Variants in NDUFAF6 observed in about 807,000 individuals in gnomAD.
NDUFAF6 encodes NADH:ubiquinone oxidoreductase complex assembly factor 6, also known as NADH dehydrogenase (ubiquinone) complex I, assembly factor 6.
In NDUFAF6, 45 loss-of-function variants were observed where a neutral mutation model predicts 40.8. The observed-to-expected ratio is 1.10, with a 90% CI of 0.87 to 1.42. The LOEUF is 1.42. Among genes scored for constraint, NDUFAF6 ranks in the 40% most tolerant of loss-of-function variants. The probability of loss-of-function intolerance (pLI) is 0.00; values close to 1 mark genes in which losing one functional copy is unlikely to be tolerated. For synonymous variants in NDUFAF6, 185 were observed against 155.9 expected (o/e 1.19, Z -1.39); for missense variants, 435 against 418.5 (o/e 1.04, Z -0.34).
At chr8:94,936,847 A>G (rs2131347324) in intron 1 of NDUFAF6, among the ~76,000 whole-genome samples, 1 of 152,308 alleles carries the variant, frequency 6.6e-6, no homozygotes, top group South Asian at 2.1e-4. Context: ...GTGCAGAGAC[A>G]GGCTGCATCT....
chr8:95,040,321 C>T (rs924431729), intron 3 of NDUFAF6, among the ~76,000 whole-genome samples: 3 of 152,198 alleles, frequency 2.0e-5, no homozygotes, highest in African/African-American at 7.2e-5. Context: ...ATTCGTCTAC[C>T]TGTCCTTTAT....
chr8:94,942,528 C>T (rs539144553), intron 1 of NDUFAF6, among the ~76,000 whole-genome samples: 3 of 152,298 alleles, frequency 2.0e-5, no homozygotes, highest in African/African-American at 7.2e-5. Context: ...TTGTTAAAGG[C>T]AATGGACTTA....
At chr8:94,976,194 CA>C (rs34588079) in intron 1 of NDUFAF6, among the ~76,000 whole-genome samples, 12 of 102,090 alleles carry the variant, frequency 1.2e-4, no homozygotes, top group Non-Finnish European at 1.3e-4. Context: ...GACTGTGTCT[CA>C]AAAAAAAAAA....
chr8:94,963,147 G>A (rs1823738336), intron 1 of NDUFAF6, among the ~76,000 whole-genome samples: 1 of 152,116 alleles, frequency 6.6e-6, no homozygotes, highest in Non-Finnish European at 1.5e-5. Context: ...AATCACTGCA[G>A]TCAGGCTCTC....
chr8:95,058,893 A>AT (rs1210918896), downstream of NDUFAF6, among the ~76,000 whole-genome samples: 1 of 152,114 alleles, frequency 6.6e-6, no homozygotes, highest in Non-Finnish European at 1.5e-5. Flanking sequence ...TCGACCAAAA[A>AT]TACATAAACT....
At chr8:95,069,348 G>C (rs896005794) in intron 9 of NDUFAF6, 1 of 151,900 alleles carries the variant, frequency 6.6e-6, no homozygotes, top group Non-Finnish European at 1.5e-5. Flanking sequence ...TTATCTGTTA[G>C]ATTTAAAAAC....
intron 2 of NDUFAF6, among the ~76,000 whole-genome samples, chr8:95,006,948 G>C (rs1563785277): frequency 6.6e-6 from 1 of 151,164 alleles, no homozygotes; most frequent in Admixed American, 6.6e-5. Flanking sequence ...TGTTGGGAGA[G>C]TAAGACCGAA....
chr8:95,105,237 A>G (rs943277035), downstream of NDUFAF6, among the ~76,000 whole-genome samples: 7 of 152,214 alleles, frequency 4.6e-5, no homozygotes, highest in African/African-American at 1.4e-4. Flanking sequence ...CTTTGTTTCC[A>G]TCAACAAAGA....
chr8:94,971,112 C>G (rs907442888), intron 1 of NDUFAF6, among the ~76,000 whole-genome samples: 1 of 152,232 alleles, frequency 6.6e-6, no homozygotes, highest in Admixed American at 6.5e-5. Context: ...GCCTCAAAAG[C>G]TATAAGCATA....
intron 4 of NDUFAF6, among the ~76,000 whole-genome samples, chr8:95,045,333 A>C (rs910916367): frequency 6.6e-6 from 1 of 152,098 alleles, no homozygotes; most frequent in Non-Finnish European, 1.5e-5. Context: ...TTGTATATTG[A>C]GGTTATTCCT....
chr8:94,940,421 A>T (rs1278985628), intron 1 of NDUFAF6, among the ~76,000 whole-genome samples: 1 of 149,454 alleles, frequency 6.7e-6, no homozygotes, highest in Non-Finnish European at 1.5e-5. Flanking sequence ...TATGACTATA[A>T]ATTTATTTCT....
At chr8:94,917,470 A>G (rs1014449799) in intron 1 of NDUFAF6, among the ~76,000 whole-genome samples, 1 of 152,254 alleles carries the variant, frequency 6.6e-6, no homozygotes, top group Admixed American at 6.5e-5. Flanking sequence ...AAGTTCTGCC[A>G]AAGTTGATAG....
intron 2 of NDUFAF6, among the ~76,000 whole-genome samples, chr8:95,004,904 ATAAATATT>A (rs1380937894): frequency 6.6e-6 from 1 of 152,206 alleles, no homozygotes; most frequent in Non-Finnish European, 1.5e-5. Flanking sequence ...TTGGTACTCA[ATAAATATT>A]GGTGAAATGA....
intron 1 of NDUFAF6, among the ~76,000 whole-genome samples, chr8:95,027,579 CAAA>C (rs1207611146): frequency 2.5e-4 from 17 of 68,924 alleles, no homozygotes; most frequent in South Asian, 2.0e-3. Context: ...GACCCTGTCT[CAAA>C]AAAAAAAAAA....
chr8:95,101,665 C>T (rs1416386836), intron 2 of NDUFAF6, among the ~76,000 whole-genome samples: 1 of 152,250 alleles, frequency 6.6e-6, no homozygotes, highest in Non-Finnish European at 1.5e-5. Flanking sequence ...GCATAGTTTT[C>T]ATATCATCCC....
intron 2 of NDUFAF6, among the ~76,000 whole-genome samples, chr8:94,948,797 G>A (rs559512134): frequency 9.2e-5 from 14 of 152,200 alleles, no homozygotes; most frequent in Non-Finnish European, 1.9e-4. Context: ...AGAGGAGGAG[G>A]TCCCGCCGCG....
chr8:94,995,594 GA>G (rs111803578), intron 2 of NDUFAF6, among the ~76,000 whole-genome samples: 178 of 141,830 alleles, frequency 1.3e-3, no homozygotes, highest in African/African-American at 2.6e-3. Flanking sequence ...AATAAAACTT[GA>G]AAAAAAAAAA....
At chr8:94,991,961 T>G (rs1049825237) in intron 2 of NDUFAF6, among the ~76,000 whole-genome samples, 7 of 152,234 alleles carry the variant, frequency 4.6e-5, no homozygotes, top group African/African-American at 1.7e-4. Flanking sequence ...TCATTTTGCA[T>G]GTATGTGAGT....
chr8:94,940,158 G>A lies in NDUFAF6; in HGVS notation c.-935-5325G>A, dbSNP rs372079851. The A allele has an allele frequency of 3.5e-5, 57 of 1,613,988 alleles. No homozygotes were observed. Among genetic ancestry groups the A allele is most frequent in the Non-Finnish European group, 4.8e-5 (57 of 1,179,994 alleles). Reference sequence around the variant, plus strand: ...GAAAAGACTGAAGGGTGCTCAGTAGGTGACTCTTCACTGATGTCCTCCTCT... The same window carrying A: ...GAAAAGACTGAAGGGTGCTCAGTAGATGACTCTTCACTGATGTCCTCCTCT... On this transcript the variant is annotated intron_variant, in intron 1 of 14. Coordinates refer to the NDUFAF6 transcript ENST00000396113.
Sources: gnomAD v4.1 joint callset for allele counts (sites outside exome capture counted in the v4.1 genomes callset) on GRCh38, gnomAD v4.1.1 for gene constraint, MANE v1.5 for transcripts, NCBI Gene and HGNC (gene_info 2026-07-23, HGNC 2026-07-21) for gene names.